Variants in PLXNA4 observed in about 807,000 individuals in gnomAD.
PLXNA4 encodes plexin-A4.
Under a neutral mutation model 191.8 loss-of-function variants are expected in PLXNA4, and 44 were observed. That is an observed-to-expected ratio of 0.23 (90% CI 0.18 to 0.29). PLXNA4 has a LOEUF of 0.29. Among genes scored for constraint, PLXNA4 ranks in the 10% least tolerant of loss-of-function variants. PLXNA4 has a pLI of 1.00. For missense variants in PLXNA4, 1,800 were observed against 2,488.8 expected (o/e 0.72, Z 5.89); for synonymous variants, 1,082 against 1,009.5 (o/e 1.07, Z -1.36).
intron 3 of PLXNA4, among the ~76,000 whole-genome samples, chr7:132,375,749 T>C (rs1055881848): frequency 2.6e-5 from 4 of 151,862 alleles, no homozygotes; most frequent in African/African-American, 4.8e-5. Context: ...GTCAAAATGG[T>C]GGGGAAGACA....
chr7:132,570,817 T>C (rs1216749762), intron 1 of PLXNA4, among the ~76,000 whole-genome samples: 9 of 152,156 alleles, frequency 5.9e-5, no homozygotes, highest in African/African-American at 2.2e-4. Flanking sequence ...TCCTGGTTCA[T>C]GGAGGAAACA....
chr7:132,388,717 G>A (rs1805267093), intron 3 of PLXNA4, among the ~76,000 whole-genome samples: 1 of 152,186 alleles, frequency 6.6e-6, no homozygotes, highest in East Asian at 1.9e-4. Flanking sequence ...GGACTACATT[G>A]GCTTCAAGGG....
At chr7:132,426,016 C>G (rs947618775) in intron 3 of PLXNA4, among the ~76,000 whole-genome samples, 2 of 152,198 alleles carry the variant, frequency 1.3e-5, no homozygotes, top group African/African-American at 4.8e-5. Flanking sequence ...CTCTGGGGTG[C>G]CTCATTTAGG....
At chr7:132,573,638 G>GGAAGGC (rs1554472755) in intron 1 of PLXNA4, among the ~76,000 whole-genome samples, 1 of 151,552 alleles carries the variant, frequency 6.6e-6, no homozygotes, top group Non-Finnish European at 1.5e-5. Context: ...AGCAGCAGGC[G>GGAAGGC]ACAGGAAGGC....
intron 4 of PLXNA4, among the ~76,000 whole-genome samples, chr7:132,276,795 G>T (rs2116366034): frequency 6.6e-6 from 1 of 152,284 alleles, no homozygotes; most frequent in Non-Finnish European, 1.5e-5. Flanking sequence ...CAGCCAGGTA[G>T]ATTTTCTGAA....
chr7:132,475,071 G>A (rs1304494538), intron 3 of PLXNA4, among the ~76,000 whole-genome samples: 5 of 152,128 alleles, frequency 3.3e-5, no homozygotes, highest in Non-Finnish European at 7.3e-5. Flanking sequence ...CCTGGATGTC[G>A]GTTCCAAGAT....
At chr7:132,161,571 G>A (rs1329383057) in intron 24 of PLXNA4, among the ~76,000 whole-genome samples, 1 of 152,214 alleles carries the variant, frequency 6.6e-6, no homozygotes, top group African/African-American at 2.4e-5. Flanking sequence ...CTGAGATTCT[G>A]CATTTTTCCA....
chr7:132,503,301 T>A lies in PLXNA4; in HGVS notation c.1188+4205A>T, dbSNP rs115257941. Among the ~76,000 whole-genome samples the A allele has an allele frequency of 6.6e-3, 1,007 of 152,288 alleles. 12 individuals carry two copies. Among genetic ancestry groups the A allele is most frequent in the African/African-American group, 0.023 (957 of 41,562 alleles). ...GGGAGTGCATTGCCAAGCCCTTCCC[T>A]AGGGCTCCATATATGTTTCACCATT... is the stretch of plus-strand genomic sequence containing the variant. On this transcript the variant is annotated intron_variant, in intron 2 of 31. Transcript: ENST00000321063.
intron 2 of PLXNA4, among the ~76,000 whole-genome samples, chr7:132,644,673 C>A (rs1458387164): frequency 1.3e-5 from 2 of 152,052 alleles, no homozygotes; most frequent in Non-Finnish European, 2.9e-5. Context: ...GTAATTCCTT[C>A]GTGATATATT....
At chr7:132,496,351 A>G (rs1369251271) in intron 2 of PLXNA4, among the ~76,000 whole-genome samples, 3 of 152,198 alleles carry the variant, frequency 2.0e-5, no homozygotes, top group Non-Finnish European at 4.4e-5. Flanking sequence ...GAAAATAGGT[A>G]CCAAAACCCC....
At chr7:132,496,229 C>T (rs1798006079) in intron 2 of PLXNA4, among the ~76,000 whole-genome samples, 1 of 152,210 alleles carries the variant, frequency 6.6e-6, no homozygotes, top group Non-Finnish European at 1.5e-5. Flanking sequence ...CATCATATTT[C>T]AGATGCGGAA....
chr7:132,441,665 T>A (rs1349445642), intron 3 of PLXNA4, among the ~76,000 whole-genome samples: 3 of 152,270 alleles, frequency 2.0e-5, no homozygotes, highest in Non-Finnish European at 2.9e-5. Context: ...GTCTATTTCA[T>A]GCCTTTTTAC....
At chr7:132,400,243 G>C (rs1793931682) in intron 3 of PLXNA4, among the ~76,000 whole-genome samples, 1 of 152,150 alleles carries the variant, frequency 6.6e-6, no homozygotes, top group South Asian at 2.1e-4. Context: ...AACATCCTCA[G>C]ATTAAGGTCT....
At chr7:132,618,732 A>G (rs1017462872) in intron 2 of PLXNA4, among the ~76,000 whole-genome samples, 113 of 152,250 alleles carry the variant, frequency 7.4e-4, no homozygotes, top group African/African-American at 2.7e-3. Flanking sequence ...TTCTCTGTTT[A>G]GCCCCCATGA....
intron 21 of PLXNA4, among the ~76,000 whole-genome samples, chr7:132,168,920 T>C (rs552248847): frequency 6.6e-6 from 1 of 152,334 alleles, no homozygotes; most frequent in South Asian, 2.1e-4. Flanking sequence ...TCACAGTCCC[T>C]GTGGGGAATT....
At chr7:132,581,130 T>A (rs537074376), upstream of PLXNA4, among the ~76,000 whole-genome samples, 4 of 152,346 alleles carry the variant, frequency 2.6e-5, no homozygotes, top group Admixed American at 1.3e-4. Flanking sequence ...CCATTCAAAC[T>A]AACTTATTCT....
intron 1 of PLXNA4, among the ~76,000 whole-genome samples, chr7:132,555,642 C>G (rs754219452): frequency 1.3e-5 from 2 of 152,196 alleles, no homozygotes; most frequent in Non-Finnish European, 2.9e-5. Flanking sequence ...GGACACTGAA[C>G]CTCAGAGAAG....
At position 132,160,635 on chromosome 7, in the gene PLXNA4, A is replaced by T. The variant is rs138852295; in HGVS notation, c.4501-1003T>A. Among the ~76,000 whole-genome samples, 10 of 152,118 alleles carry T rather than the reference A, an allele frequency of 6.6e-5. 1 individual carries two copies. The highest frequency in any genetic ancestry group is 1.3e-4 in the Non-Finnish European group (9 of 68,020). ...GGGCATCCTAGGGGTACTGATGCCAAGTGGCCCTCCCCTTCTGGGCTCCCG... is the reference window on the plus strand; with the variant it reads ...GGGCATCCTAGGGGTACTGATGCCATGTGGCCCTCCCCTTCTGGGCTCCCG... On this transcript the variant is annotated intron_variant, in intron 24 of 31. Coordinates refer to ENST00000321063, the MANE Select transcript of PLXNA4 (RefSeq NM_020911.2).
intron 4 of PLXNA4, among the ~76,000 whole-genome samples, chr7:132,257,472 G>C (rs1213765553): frequency 6.6e-6 from 1 of 152,194 alleles, no homozygotes; most frequent in East Asian, 1.9e-4. Flanking sequence ...CCCAGCAGGG[G>C]CTGGTATGTC....
Sources: allele counts gnomAD v4.1 joint callset (sites outside exome capture counted in the v4.1 genomes callset), GRCh38; gene constraint gnomAD v4.1.1; transcripts MANE v1.5; gene names NCBI Gene and HGNC (gene_info 2026-07-23, HGNC 2026-07-21).